TPX2: variants seen among roughly 807,000 people sequenced by gnomAD.
The protein encoded by TPX2 is targeting protein for Xklp2.
A neutral mutation model predicts 93.6 loss-of-function variants in TPX2; 21 were observed. The ratio of observed to expected loss-of-function variants is 0.22; its 90% CI spans 0.16 to 0.32. TPX2 has a LOEUF of 0.32. Among genes scored for constraint, TPX2 ranks in the 10% least tolerant of loss-of-function variants. The pLI is 1.00. For synonymous variants in TPX2, 281 were observed against 298.3 expected (o/e 0.94, Z 0.60); for missense variants, 776 against 871.1 (o/e 0.89, Z 1.37).
rs535471499 is a variant in TPX2 at position 31,748,983 on chromosome 20, T to A, written c.-71+6336T>A. On this transcript the variant is annotated intron_variant, in intron 2 of 17. Coordinates refer to ENST00000300403, the MANE Select transcript of TPX2 (RefSeq NM_012112.5). ...TTTTTTGAGACAGAGTCTTGCTTTG[T>A]TGCCCAGGCTGGAGTGCAGTGGCGC... Among the ~76,000 whole-genome samples, 3 of 151,846 alleles carry A rather than the reference T, an allele frequency of 2.0e-5. No individual in the cohort carries two copies. The South Asian group carries it at 6.3e-4, about 32-fold the overall frequency.
intron 12 of TPX2, among the ~76,000 whole-genome samples, chr20:31,787,354 A>G (rs1368969894): frequency 6.6e-6 from 1 of 151,692 alleles, no homozygotes; most frequent in African/African-American, 2.4e-5. Flanking sequence ...AGGTTTCCCT[A>G]CTAAAATTTC....
At chr20:31,772,497 G>A (rs958382298) in intron 7 of TPX2, among the ~76,000 whole-genome samples, 8 of 152,172 alleles carry the variant, frequency 5.3e-5, no homozygotes, top group Non-Finnish European at 7.3e-5. Context: ...AAAATATACT[G>A]TTGAAGCAAA....
Position 31,760,020 on chromosome 20 carries a change from T to C in TPX2, c.107-37T>C, listed in dbSNP as rs201768424. Reference sequence around the variant, plus strand: ...CGTGATAGTGATTTGTTTTGCTTCCTTGCTGATCAGACAATGATGATCTTC... The same window carrying C: ...CGTGATAGTGATTTGTTTTGCTTCCCTGCTGATCAGACAATGATGATCTTC... On this transcript the variant is annotated intron_variant, in intron 3 of 17. Transcript: ENST00000300403. 4.5e-4 allele frequency: 719 copies of C among 1,608,630 alleles called. 3 individuals are homozygous for C. The African/African-American group carries it at 7.9e-3, about 18-fold the overall frequency.
chr20:31,749,015 G>A (rs191098668), intron 2 of TPX2, among the ~76,000 whole-genome samples: 199 of 150,178 alleles, frequency 1.3e-3, no homozygotes, highest in Non-Finnish European at 9.3e-4. Context: ...GCGCGATCTC[G>A]GCTCACTGCA....
rs546226884 is a variant in TPX2, at chr20:31,782,095, T to A, written c.1055-154T>A. 2.5e-4 allele frequency among the ~76,000 whole-genome samples: 38 copies of A among 152,352 alleles called. No individual in the cohort carries two copies. The South Asian group carries it at 6.2e-3, about 25-fold the overall frequency. Reference sequence around the variant, plus strand: ...GGAATAGGGGAGAAGTAACTGAATGTTGGTTGGTTTGACCAATGTAAGCTG... The same window carrying A: ...GGAATAGGGGAGAAGTAACTGAATGATGGTTGGTTTGACCAATGTAAGCTG... On this transcript the variant is annotated intron_variant, in intron 10 of 17. Coordinates refer to ENST00000300403, the MANE Select transcript of TPX2 (RefSeq NM_012112.5).
At chr20:31,779,709 G>C (rs934518580) in intron 10 of TPX2, among the ~76,000 whole-genome samples, 3 of 152,124 alleles carry the variant, frequency 2.0e-5, no homozygotes, top group African/African-American at 7.2e-5. Context: ...CTGAAGGTAC[G>C]AGAGAGAGGA....
chr20:31,797,890 G>A (rs983818798), intron 16 of TPX2, among the ~76,000 whole-genome samples: 2 of 152,106 alleles, frequency 1.3e-5, no homozygotes, highest in African/African-American at 4.8e-5. Flanking sequence ...TAAACACTGG[G>A]CAGTGTGCTA....
intron 4 of TPX2, among the ~76,000 whole-genome samples, chr20:31,765,260 C>T (rs562084755): frequency 6.7e-6 from 1 of 149,674 alleles, no homozygotes; most frequent in Non-Finnish European, 1.5e-5. Context: ...GAGTTTGAGA[C>T]CAGCCTGGGC....
At chr20:31,778,112 A>C (rs2062012949) in intron 9 of TPX2, among the ~76,000 whole-genome samples, 1 of 152,214 alleles carries the variant, frequency 6.6e-6, no homozygotes, top group Non-Finnish European at 1.5e-5. Flanking sequence ...GGGTTGGGGC[A>C]GACCAGTCAA....
intron 17 of TPX2, 135 bp from the exon 18 acceptor site, chr20:31,800,835 A>G: frequency 1.4e-6 from 1 of 736,498 alleles, no homozygotes; most frequent in Non-Finnish European, 2.3e-6. Flanking sequence ...CCCAGGCCCC[A>G]CTCCCCACAC....
rs189924791 is a variant in TPX2 at position 31,785,503 on chromosome 20, T to G, written c.1413+1582T>G. Among the ~76,000 whole-genome samples, 854 of 143,752 alleles carry G rather than the reference T, an allele frequency of 5.9e-3. 7 individuals are homozygous for G. The highest frequency in any genetic ancestry group is 0.02 in the African/African-American group (775 of 39,536). The allele number at this position is 143,752 out of a possible 152,430, so 94.3% of individuals were successfully genotyped here. On this transcript the variant is annotated intron_variant, in intron 12 of 17. Coordinates refer to ENST00000300403, the MANE Select transcript of TPX2 (RefSeq NM_012112.5). ...ACCTTGCTTTTGGTTTTTTGTTTTGTTTTTTTTTTTTGAGTTGGAGTTTAG... is the reference window on the plus strand; with the variant it reads ...ACCTTGCTTTTGGTTTTTTGTTTTGGTTTTTTTTTTTGAGTTGGAGTTTAG...
chr20:31,739,841 C>T (rs2061743772), intron 1 of TPX2, among the ~76,000 whole-genome samples: 1 of 152,118 alleles, frequency 6.6e-6, no homozygotes, highest in South Asian at 2.1e-4. Flanking sequence ...TAGCCATGCC[C>T]TCAGGAAGTG....
In TPX2 at chr20:31,801,620, G is replaced by GGTTTT. The variant is rs2062172463; in HGVS notation, c.*540_*541insGTTTT. On this transcript the variant is annotated 3_prime_UTR_variant, in exon 18 of 18. Coordinates refer to ENST00000300403, the MANE Select transcript of TPX2 (RefSeq NM_012112.5). Reference sequence around the variant, plus strand: ...GTGAGGGTAGAAAACCTCACCAACTGCACCAGTGAGGAAGAAGACTGCGTG... The same window carrying GGTTTT: ...GTGAGGGTAGAAAACCTCACCAACTGGTTTTCACCAGTGAGGAAGAAGACTGCGTG... The GGTTTT allele has an allele frequency of 6.6e-6, 1 of 152,382 alleles. No individual in the cohort carries two copies. The highest frequency in any genetic ancestry group is 2.1e-4 in the South Asian group (1 of 4,830). 9.4% of individuals were successfully genotyped at this position (152,382 alleles called of 1,614,324 possible).
intron 12 of TPX2, among the ~76,000 whole-genome samples, chr20:31,785,592 G>C (rs78656408): frequency 0.026 from 3,949 of 152,022 alleles, 136 homozygotes; most frequent in African/African-American, 0.079. Flanking sequence ...CCGCCTCCCG[G>C]GTTTAAGCGA....
chr20:31,756,302 C>A (rs1209837184), intron 2 of TPX2, among the ~76,000 whole-genome samples: 1 of 152,104 alleles, frequency 6.6e-6, no homozygotes, highest in Non-Finnish European at 1.5e-5. Flanking sequence ...ATAAACAAAG[C>A]ACAATTGGCT....
intron 11 of TPX2, 21 bp downstream of exon 11, chr20:31,782,411 C>G: frequency 6.3e-7 from 1 of 1,587,748 alleles, no homozygotes; most frequent in Non-Finnish European, 8.6e-7. Context: ...CTGGCAGTAT[C>G]TGAGGAAGAG....
rs559475827 is a variant in TPX2 at position 31,754,971 on chromosome 20, G to A, written c.-70-2436G>A. ...TTATTTATTTATTTATTTTTGAGCC[G>A]GAGTCTCGCTCTTGTCACCCAGGCT... On this transcript the variant is annotated intron_variant, in intron 2 of 17. Transcript: ENST00000300403. 3.3e-5 allele frequency among the ~76,000 whole-genome samples: 5 copies of A among 152,128 alleles called. No individual in the cohort carries two copies. The South Asian group carries it at 6.2e-4, about 19-fold the overall frequency.
chr20:31,741,317 GT>G (rs966215046), intron 1 of TPX2, among the ~76,000 whole-genome samples: 30 of 140,832 alleles, frequency 2.1e-4, no homozygotes, highest in Non-Finnish European at 2.2e-4. Flanking sequence ...TTTTGTTTTT[GT>G]TTTTTTTTTT....
chr20:31,778,019 C>A (rs571928211), intron 9 of TPX2, among the ~76,000 whole-genome samples: 3 of 152,124 alleles, frequency 2.0e-5, no homozygotes, highest in Non-Finnish European at 4.4e-5. Flanking sequence ...AGGCGATCCA[C>A]CTGCCTCAGC....
Sources: gnomAD v4.1 joint callset for allele counts (sites outside exome capture counted in the v4.1 genomes callset) on GRCh38, gnomAD v4.1.1 for gene constraint, MANE v1.5 for transcripts, NCBI Gene and HGNC (gene_info 2026-07-23, HGNC 2026-07-21) for gene names.